Variants in FAT1 observed in about 807,000 individuals in gnomAD.
The protein encoded by FAT1 is FAT atypical cadherin 1.
FAT1 carries 171 observed loss-of-function variants against 329.8 expected under a neutral mutation model. The observed-to-expected ratio is 0.52, with a 90% confidence interval of 0.46 to 0.59. The LOEUF is 0.59. Among genes scored for constraint, FAT1 ranks in the 20% least tolerant of loss-of-function variants. The probability of loss-of-function intolerance (pLI) is 0.00; values close to 1 mark genes in which losing one functional copy is unlikely to be tolerated. For missense variants in FAT1, 5,672 were observed against 5,774.4 expected (o/e 0.98, Z 0.57); for synonymous variants, 2,233 against 2,228.6 (o/e 1.00, Z -0.06).
At chr4:186,722,419 A>G (rs1745506609) in intron 1 of FAT1, among the ~76,000 whole-genome samples, 1 of 152,174 alleles carries the variant, frequency 6.6e-6, no homozygotes, top group African/African-American at 2.4e-5. Context: ...GTTTAGCATC[A>G]CTCAAGGCTT....
At chr4:186,703,332 A>AC (rs1377677200) in intron 2 of FAT1, among the ~76,000 whole-genome samples, 1 of 152,254 alleles carries the variant, frequency 6.6e-6, no homozygotes, top group African/African-American at 2.4e-5. Flanking sequence ...CTACAAAAAC[A>AC]GAAAACTACG....
chr4:186,709,351 A>C lies in FAT1; in HGVS notation c.477T>G (p.Pro159=), dbSNP rs760094218. 1 of 1,613,836 alleles carries C rather than the reference A, an allele frequency of 6.2e-7. No individual in the cohort carries two copies. The highest frequency in any genetic ancestry group is 1.7e-5 in the Admixed American group (1 of 59,998). ...TACTGGTCCTTATAGCTGTGTTTTC[A>C]GGTAAAGAAACGCTGTATGAGGTGG... ...FSPTSYSVSL[P]ENTAIRTSIA... is the part of the protein sequence containing the mutation. Residue 159 remains proline (P), a synonymous_variant, in exon 2 of 27, where the codon CCT becomes CCG. Coordinates refer to ENST00000441802, the MANE Select transcript of FAT1 (RefSeq NM_005245.4).
rs1310860834 is a variant in FAT1 at position 186,617,078 on chromosome 4, C to T, written c.9002G>A (p.Gly3001Asp). 1 of 1,613,972 alleles carries T rather than the reference C, an allele frequency of 6.2e-7. No individual in the cohort carries two copies. The change falls in exon 11 of 27, where the codon GGC (glycine) becomes GAC (aspartate). Residue 3001 changes from glycine to aspartate, a missense_variant. This residue lies in a region of FAT1 where 3,966 missense variants were observed against 3,915.2 expected (regional missense o/e 1.01). Coordinates refer to ENST00000441802, the MANE Select transcript of FAT1 (RefSeq NM_005245.4). The stretch of plus-strand genomic sequence containing the variant: ...AACTATCGCTTTTGATGAGAAGGTG[C>T]CATCAGTTGCCGTGATAGTAAGAAG... ...NYLLTITATD[G>D]TFSSKAIVEV...
chr4:186,706,125 G>A (rs563105991), intron 2 of FAT1, among the ~76,000 whole-genome samples: 44 of 152,220 alleles, frequency 2.9e-4, no homozygotes, highest in Non-Finnish European at 2.4e-4. Flanking sequence ...TAACTTTGCC[G>A]GTGTGCAACA....
Position 186,617,116 on chromosome 4 carries a change from T to A in FAT1, c.8964A>T (p.Lys2988Asn). 1.9e-6 allele frequency: 3 copies of A among 1,613,996 alleles called. No individual in the cohort carries two copies. Among genetic ancestry groups the A allele is most frequent in the Non-Finnish European group, 2.5e-6 (3 of 1,179,868 alleles). Residue 2988 changes from lysine (K) to asparagine (N), a missense_variant, in exon 11 of 27, where the codon AAA (lysine) becomes AAT (asparagine). Physicochemically the swap from Lys to Asn is moderately conservative, Grantham distance 94. This residue lies in a region of FAT1 where 3,966 missense variants were observed against 3,915.2 expected (regional missense o/e 1.01). Coordinates refer to ENST00000441802, the MANE Select transcript of FAT1 (RefSeq NM_005245.4). ...TGATAGTAAGAAGGTAATTGTCCCT[T>A]TTTTCCCTGTCTAGAGGTTTCTTCA... is the stretch of plus-strand genomic sequence containing the variant. ...VYVKKPLDREKRDNYLLTITA... is the reference protein window; with the variant it reads ...VYVKKPLDRENRDNYLLTITA...
At chr4:186,605,108 C>T (rs1310381279) in intron 17 of FAT1, among the ~76,000 whole-genome samples, 1 of 150,670 alleles carries the variant, frequency 6.6e-6, no homozygotes, top group African/African-American at 2.4e-5. Flanking sequence ...AATCTCAGCA[C>T]TTGGGGCTGA....
intron 3 of FAT1, among the ~76,000 whole-genome samples, chr4:186,643,164 T>C (rs192260149): frequency 2.4e-4 from 37 of 152,206 alleles, no homozygotes; most frequent in East Asian, 1.7e-3. Context: ...ATTTCCAGGG[T>C]ACGGCAGCCC....
Position 186,603,158 on chromosome 4 carries a change from T to C in FAT1, c.11350+18A>G, listed in dbSNP as rs2126424199. On this transcript the variant is annotated intron_variant, in intron 19 of 26. Transcript: ENST00000441802. ...AAACCATCTGTGACACCGACTTTCATACACTCATGTGCAGTACCTTTGCAG... is the reference window on the plus strand; with the variant it reads ...AAACCATCTGTGACACCGACTTTCACACACTCATGTGCAGTACCTTTGCAG... The C allele has an allele frequency of 6.2e-7, 1 of 1,611,432 alleles. No homozygotes were observed. Among genetic ancestry groups the C allele is most frequent in the Non-Finnish European group, 8.5e-7 (1 of 1,177,824 alleles).
At chr4:186,643,968 A>G (rs1481989172) in intron 3 of FAT1, among the ~76,000 whole-genome samples, 1 of 152,212 alleles carries the variant, frequency 6.6e-6, no homozygotes, top group East Asian at 1.9e-4. Context: ...CAAATCCCAG[A>G]AAGATATATA....
chr4:186,648,426 A>AC, intron 3 of FAT1, among the ~76,000 whole-genome samples: 1 of 152,272 alleles, frequency 6.6e-6, no homozygotes, highest in East Asian at 1.9e-4. Context: ...TAAAAAACTC[A>AC]AACTCCTTAG....
At chr4:186,622,744 C>T (rs2126530215) in intron 9 of FAT1, among the ~76,000 whole-genome samples, 1 of 152,328 alleles carries the variant, frequency 6.6e-6, no homozygotes, top group Admixed American at 6.5e-5. Flanking sequence ...GGTGGCGTTG[C>T]AGGTTCTCAG....
chr4:186,604,495 A>G lies in FAT1; in HGVS notation c.10430T>C (p.Phe3477Ser). The G allele has an allele frequency of 6.2e-7, 1 of 1,613,886 alleles. No homozygotes were observed. The highest frequency in any genetic ancestry group is 2.2e-5 in the East Asian group (1 of 44,876). ...EDSSHNGPPF[F>S]FTIVTGNDEK... ...ATCATTTCCAGTTACAATAGTAAAG[A>G]AGAAGGGTGGACCGTTATGGGAAGA... The change falls in exon 18 of 27, where the codon TTC becomes TCC. Residue 3477 changes from phenylalanine to serine, a missense_variant. By Grantham distance (155) the Phe-to-Ser change is radical. This residue lies in a region of FAT1 where 1,706 missense variants were observed against 1,859.1 expected (regional missense o/e 0.92). Coordinates refer to ENST00000441802, the MANE Select transcript of FAT1 (RefSeq NM_005245.4).
intron 11 of FAT1, among the ~76,000 whole-genome samples, chr4:186,615,956 C>T (rs889410652): frequency 1.3e-5 from 2 of 152,148 alleles, no homozygotes; most frequent in Non-Finnish European, 2.9e-5. Context: ...CACGGAACTC[C>T]TCTAAAACCA....
intron 13 of FAT1, 68 bp downstream of exon 13, chr4:186,613,041 G>A (rs1401274762): frequency 1.9e-6 from 2 of 1,032,240 alleles, no homozygotes; most frequent in Non-Finnish European, 2.9e-6. Context: ...AATCTGGGGT[G>A]TGTTTTGAAA....
At chr4:186,595,969 C>T (rs1738489486) in intron 25 of FAT1, 143 bp from the exon 26 acceptor site, 1 of 829,378 alleles carries the variant, frequency 1.2e-6, no homozygotes, top group Non-Finnish European at 1.8e-6. Flanking sequence ...ACAGAAACAC[C>T]TTACAAACTC....
chr4:186,724,027 C>G (rs1745611217), upstream of FAT1, among the ~76,000 whole-genome samples: 1 of 151,464 alleles, frequency 6.6e-6, no homozygotes, highest in Admixed American at 6.6e-5. The surrounding 1 kb of genome is among the most constrained non-coding windows in gnomAD (Gnocchi z 5.3). Context: ...AACACCAGGT[C>G]CGTGCTGGGA....
chr4:186,597,161 C>A lies in FAT1; in HGVS notation c.12379G>T (p.Asp4127Tyr), dbSNP rs2126395925. Residue 4127 changes from aspartate (D) to tyrosine (Y), a missense_variant, in exon 25 of 27, where the codon GAT becomes TAT. Coordinates refer to ENST00000441802, the MANE Select transcript of FAT1 (RefSeq NM_005245.4). The part of the protein sequence containing the change: ...SGFRGERCQS[D>Y]IDECSGNPCL... ...GGGTTTCCAGAGCACTCGTCGATAT[C>A]ACTCTGACACCTGCCAAGGAAGTCA... 6.2e-7 allele frequency: 1 copy of A among 1,604,272 alleles called. No homozygotes were observed. Among genetic ancestry groups the A allele is most frequent in the Non-Finnish European group, 8.5e-7 (1 of 1,174,862 alleles).
intron 3 of FAT1, among the ~76,000 whole-genome samples, chr4:186,651,394 C>A (rs759507261): frequency 6.6e-6 from 1 of 152,058 alleles, no homozygotes; most frequent in Non-Finnish European, 1.5e-5. Flanking sequence ...GGACAGAAGG[C>A]GCAAGTGAGC....
intron 2 of FAT1, among the ~76,000 whole-genome samples, chr4:186,679,449 G>T (rs1743109988): frequency 6.6e-6 from 1 of 150,712 alleles, no homozygotes; most frequent in African/African-American, 2.4e-5. Context: ...AAAAATGGGG[G>T]TTGGGGGAAC....
Sources: allele counts gnomAD v4.1 joint callset (sites outside exome capture counted in the v4.1 genomes callset), GRCh38; gene constraint gnomAD v4.1.1; regional missense constraint gnomAD v4.1.1; non-coding constraint Gnocchi (gnomAD v3.1); transcripts MANE v1.5; gene names NCBI Gene and HGNC (gene_info 2026-07-23, HGNC 2026-07-21).